The following PRKCQ variants were observed in gnomAD, a reference collection of about 807,000 sequenced individuals.
PRKCQ encodes protein kinase C theta type.
PRKCQ carries 41 observed loss-of-function variants against 91.2 expected under a neutral mutation model. The observed-to-expected ratio is 0.45, with a 90% confidence interval of 0.35 to 0.58. The LOEUF is 0.58. Among genes scored for constraint, PRKCQ ranks in the 20% least tolerant of loss-of-function variants. The probability of loss-of-function intolerance (pLI) is 0.00; values close to 1 mark genes in which losing one functional copy is unlikely to be tolerated. For synonymous variants in PRKCQ, 307 were observed against 316.9 expected, an observed-to-expected ratio of 0.97 and a Z score of 0.33; for missense variants, 673 against 896.5, an observed-to-expected ratio of 0.75 and a Z score of 3.18.
chr10:6,418,989 A>ATCTT, the PRKCQ span, among the ~76,000 whole-genome samples: 1 of 145,580 alleles, frequency 6.9e-6, no homozygotes, highest in East Asian at 2.0e-4. Flanking sequence ...CTATCTATCT[A>ATCTT]TCTATCTATC....
At chr10:6,467,889 G>A (rs1475169300) in intron 12 of PRKCQ, among the ~76,000 whole-genome samples, 1 of 152,148 alleles carries the variant, frequency 6.6e-6, no homozygotes, top group African/African-American at 2.4e-5. Flanking sequence ...TGACTCTTAT[G>A]TTTGTGTTAT....
At chr10:6,498,372 G>A (rs765844860) in intron 5 of PRKCQ, 24 bp downstream of exon 5, 1 of 1,612,448 alleles carries the variant, frequency 6.2e-7, no homozygotes, top group Non-Finnish European at 8.5e-7. Flanking sequence ...CCGAAGCTTG[G>A]AGGGAGATGC....
chr10:6,489,544 A>AAAGGGAGGCAGAGAGGGAGGG (rs754207890), intron 8 of PRKCQ: 1 of 487,086 alleles, frequency 2.1e-6, no homozygotes, highest in Non-Finnish European at 4.2e-6. Context: ...AGGCAGGATG[A>AAAGGGAGGCAGAGAGGGAGGG]AAGGGAGGCA....
intron 12 of PRKCQ, among the ~76,000 whole-genome samples, chr10:6,474,862 C>T (rs57321049): frequency 6.6e-6 from 1 of 152,142 alleles, no homozygotes; most frequent in East Asian, 1.9e-4. Flanking sequence ...AGTTGGAAAT[C>T]TAGTAGTGCA....
intron 16 of PRKCQ, 114 bp downstream of exon 16, chr10:6,441,779 A>G: frequency 9.1e-7 from 1 of 1,098,250 alleles, no homozygotes; most frequent in Non-Finnish European, 1.3e-6. Flanking sequence ...ATTTAAACCC[A>G]GTTCAATAAT....
intron 1 of PRKCQ, among the ~76,000 whole-genome samples, chr10:6,543,637 G>A (rs1287114969): frequency 2.6e-5 from 4 of 152,128 alleles, no homozygotes; most frequent in African/African-American, 7.2e-5. Context: ...CACTGTCCTC[G>A]ATGATCAAAC....
intron 8 of PRKCQ, among the ~76,000 whole-genome samples, chr10:6,490,208 A>C (rs887320200): frequency 4.0e-5 from 6 of 151,846 alleles, no homozygotes; most frequent in African/African-American, 1.5e-4. Context: ...ATGATTTGAA[A>C]ACCTAACCCC....
chr10:6,548,124 A>G (rs949533141), intron 1 of PRKCQ, among the ~76,000 whole-genome samples: 4 of 152,168 alleles, frequency 2.6e-5, no homozygotes, highest in Non-Finnish European at 5.9e-5. Context: ...CAAAAGACAC[A>G]TGAAAAAATG....
chr10:6,578,842 G>A (rs935313477), intron 1 of PRKCQ, among the ~76,000 whole-genome samples: 2 of 149,826 alleles, frequency 1.3e-5, no homozygotes, highest in African/African-American at 4.9e-5. Flanking sequence ...TTTTACAAGG[G>A]TTACCAAAGA....
intron 7 of PRKCQ, 140 bp downstream of exon 7, chr10:6,496,895 G>A: frequency 1.3e-6 from 1 of 792,266 alleles, no homozygotes; most frequent in Non-Finnish European, 2.1e-6. Flanking sequence ...TATTGAAGAG[G>A]AAAGAGTTTT....
chr10:6,485,021 T>G, intron 10 of PRKCQ, 131 bp downstream of exon 10: 1 of 761,416 alleles, frequency 1.3e-6, no homozygotes, highest in East Asian at 2.5e-5. Flanking sequence ...AGTGGGAGCC[T>G]CTTAGTTGGT....
At chr10:6,404,956 A>ATCCTTCCTTCCTTCCATCCTTCCT in the PRKCQ span, among the ~76,000 whole-genome samples, 2 of 139,546 alleles carry the variant, frequency 1.4e-5, no homozygotes, top group Admixed American at 1.5e-4. Context: ...CCTTCCTTCT[A>ATCCTTCCTTCCTTCCATCCTTCCT]TCCTTCCTTC....
At chr10:6,568,040 C>T (rs545433259) in intron 1 of PRKCQ, among the ~76,000 whole-genome samples, 1 of 152,038 alleles carries the variant, frequency 6.6e-6, no homozygotes, top group Non-Finnish European at 1.5e-5. Context: ...GAGTTGGAGA[C>T]CAGCCTGGCC....
intron 7 of PRKCQ, among the ~76,000 whole-genome samples, chr10:6,495,008 C>T (rs770856740): frequency 5.3e-5 from 8 of 152,208 alleles, no homozygotes; most frequent in Admixed American, 2.0e-4. Flanking sequence ...CCAGAACCTG[C>T]GGCATCATCC....
intron 1 of PRKCQ, among the ~76,000 whole-genome samples, chr10:6,518,474 T>C (rs1838861157): frequency 6.6e-6 from 1 of 152,034 alleles, no homozygotes; most frequent in Non-Finnish European, 1.5e-5. Flanking sequence ...TGAGGAAAAA[T>C]TAACATTTTA....
chr10:6,505,012 G>T (rs1588347513), intron 4 of PRKCQ, among the ~76,000 whole-genome samples: 1 of 151,696 alleles, frequency 6.6e-6, no homozygotes, highest in African/African-American at 2.4e-5. Context: ...TCCTGCCTCA[G>T]CCTCCCGAGT....
intron 12 of PRKCQ, among the ~76,000 whole-genome samples, chr10:6,467,217 A>G (rs1050588540): frequency 6.6e-6 from 1 of 152,108 alleles, no homozygotes; most frequent in African/African-American, 2.4e-5. Context: ...CTCGAAAGAA[A>G]GAAGAAAACA....
At chr10:6,482,225 G>A (rs1484382108) in intron 11 of PRKCQ, among the ~76,000 whole-genome samples, 1 of 152,168 alleles carries the variant, frequency 6.6e-6, no homozygotes, top group Non-Finnish European at 1.5e-5. Flanking sequence ...TTTGGAGACA[G>A]GACCTTCAAA....
intron 11 of PRKCQ, among the ~76,000 whole-genome samples, chr10:6,482,287 A>T (rs745684762): frequency 6.6e-5 from 10 of 152,138 alleles, no homozygotes; most frequent in Non-Finnish European, 1.5e-4. Context: ...ATCCAATATG[A>T]CTGGTGTTTT....
Sources: gnomAD v4.1 joint callset for allele counts (sites outside exome capture counted in the v4.1 genomes callset) on GRCh38, gnomAD v4.1.1 for gene constraint, MANE v1.5 for transcripts, NCBI Gene and HGNC (gene_info 2026-07-23, HGNC 2026-07-21) for gene names.